Variants in AP4S1 observed in about 807,000 individuals in gnomAD.
AP4S1 encodes adaptor related protein complex 4 subunit sigma 1.
AP4S1 carries 23 observed loss-of-function variants against 19.8 expected under a neutral mutation model. The ratio of observed to expected loss-of-function variants is 1.16; its 90% CI spans 0.84 to 1.65. The LOEUF (loss-of-function observed/expected upper bound fraction) is 1.65, where lower values mean the gene tolerates loss of function less well. Among genes scored for constraint, AP4S1 ranks in the 40% most tolerant of loss-of-function variants. The probability of loss-of-function intolerance (pLI) is 0.00; values close to 1 mark genes in which losing one functional copy is unlikely to be tolerated. For synonymous variants in AP4S1, 46 were observed against 54.1 expected (o/e 0.85, Z 0.66); for missense variants, 166 against 172.8 (o/e 0.96, Z 0.22).
At chr14:31,038,646 T>A (rs1408428023) in intron 1 of AP4S1, among the ~76,000 whole-genome samples, 1 of 152,140 alleles carries the variant, frequency 6.6e-6, no homozygotes, top group Non-Finnish European at 1.5e-5. Flanking sequence ...TAAATGAAAC[T>A]GGGTCTTCCT....
At chr14:31,089,568 A>G (rs767906806) in intron 5 of AP4S1, among the ~76,000 whole-genome samples, 27 of 152,348 alleles carry the variant, frequency 1.8e-4, no homozygotes, top group Admixed American at 2.6e-4. Context: ...GATTGCCACT[A>G]TGGTGTTAAA....
chr14:31,041,339 G>C (rs544164505), intron 1 of AP4S1, among the ~76,000 whole-genome samples: 78 of 152,028 alleles, frequency 5.1e-4, no homozygotes, highest in Non-Finnish European at 6.2e-4. Context: ...TAGTAGTGAG[G>C]GGGTTTCACC....
chr14:31,053,061 C>A (rs1885895684), intron 1 of AP4S1, among the ~76,000 whole-genome samples: 1 of 151,230 alleles, frequency 6.6e-6, no homozygotes, highest in Non-Finnish European at 1.5e-5. Flanking sequence ...ATGCCTTAGC[C>A]TCCCAAGTAG....
chr14:31,053,589 CTTTTTTTTTTTT>C (rs758966011), intron 1 of AP4S1, among the ~76,000 whole-genome samples: 3 of 71,176 alleles, frequency 4.2e-5, no homozygotes, highest in African/African-American at 1.1e-4. Context: ...TGACTTTTTT[CTTTTTTTTTTTT>C]TTTTTTTTTT....
intron 1 of AP4S1, among the ~76,000 whole-genome samples, chr14:31,034,468 T>TG (rs1322249345): frequency 1.3e-5 from 2 of 151,834 alleles, no homozygotes; most frequent in South Asian, 4.1e-4. Context: ...AGACTTTTTT[T>TG]GGGGGGGAAA....
chr14:31,038,929 C>G (rs1339392667), intron 1 of AP4S1, among the ~76,000 whole-genome samples: 2 of 151,314 alleles, frequency 1.3e-5, no homozygotes, highest in Non-Finnish European at 2.9e-5. Context: ...AAGTCTTTCA[C>G]GACCACCATC....
chr14:31,026,131 G>A (rs1452994149), intron 1 of AP4S1: 3 of 1,498,416 alleles, frequency 2.0e-6, no homozygotes, highest in Non-Finnish European at 2.7e-6. Flanking sequence ...TGCTGCTGCC[G>A]GGGAGGGGCC....
chr14:31,026,191 G>A, intron 1 of AP4S1: 3 of 1,430,018 alleles, frequency 2.1e-6, no homozygotes, highest in Non-Finnish European at 2.7e-6. Context: ...TCCATTGTGT[G>A]TGGGGCCCCG....
intron 5 of AP4S1, chr14:31,085,045 C>G (rs2139116961): frequency 1.4e-6 from 2 of 1,453,824 alleles, no homozygotes; most frequent in Middle Eastern, 2.5e-4. Context: ...TTTATTTGGG[C>G]TAGACTGGAA....
intron 5 of AP4S1, chr14:31,083,678 A>G (rs80218333): frequency 2.6e-6 from 1 of 390,534 alleles, no homozygotes; most frequent in African/African-American, 2.1e-5. Flanking sequence ...CTAATTTTTT[A>G]AATTTATTTT....
chr14:31,080,631 C>G (rs768444730), intron 5 of AP4S1, 47 bp downstream of exon 5: 7 of 1,613,196 alleles, frequency 4.3e-6, no homozygotes, highest in Non-Finnish European at 4.2e-6. Flanking sequence ...CAAATGCACT[C>G]TGGTCCTTAT....
At chr14:31,085,133 G>A in intron 5 of AP4S1, 1 of 1,280,002 alleles carries the variant, frequency 7.8e-7, no homozygotes, top group Non-Finnish European at 9.9e-7. Flanking sequence ...TTCTATGTCT[G>A]CTTCGCCAGC....
At chr14:31,047,691 A>G (rs1351178522) in intron 1 of AP4S1, among the ~76,000 whole-genome samples, 1 of 151,644 alleles carries the variant, frequency 6.6e-6, no homozygotes. Flanking sequence ...CACCGTGCCC[A>G]GCCTTTGAGA....
At chr14:31,073,315 C>G (rs576185637) in intron 4 of AP4S1, 7 of 229,158 alleles carry the variant, frequency 3.1e-5, no homozygotes, top group Non-Finnish European at 4.4e-5. Context: ...ACGGTGAAAC[C>G]CCGTCTCTAC....
rs565766270 is a variant in AP4S1 at position 31,089,350 on chromosome 14, G to A, written c.307-3557G>A. The stretch of plus-strand genomic sequence containing the variant: ...AAATTAAAGTATGAATAATGAGAAA[G>A]CAAGTTTTCCCACCCTACATATTTT... On this transcript the variant is annotated intron_variant, in intron 5 of 5. Coordinates refer to ENST00000542754, the MANE Select transcript of AP4S1 (RefSeq NM_001128126.3). Among the ~76,000 whole-genome samples the A allele has an allele frequency of 3.3e-5, 5 of 152,162 alleles. No individual in the cohort carries two copies. The East Asian group carries it at 5.8e-4, about 18-fold the overall frequency.
intron 4 of AP4S1, among the ~76,000 whole-genome samples, chr14:31,074,385 G>A (rs542983299): frequency 6.7e-6 from 1 of 149,984 alleles, no homozygotes; most frequent in African/African-American, 2.4e-5. Context: ...GGGCGCGGTG[G>A]CTGACGCCTG....
In AP4S1 at chr14:31,072,988, T is replaced by C; in HGVS notation, c.294+15T>C. The stretch of plus-strand genomic sequence containing the variant: ...TCAGCCGAGTGGTAAGTCTAATGGC[T>C]AAAAAATGGTTTACTTCCTCAACCC... On this transcript the variant is annotated intron_variant, in intron 4 of 5. Transcript: ENST00000542754. The C allele has an allele frequency of 6.2e-7, 1 of 1,609,220 alleles. No individual in the cohort carries two copies. The highest frequency in any genetic ancestry group is 8.5e-7 in the Non-Finnish European group (1 of 1,175,588).
chr14:31,060,323 T>G (rs1886368296), intron 1 of AP4S1, among the ~76,000 whole-genome samples: 1 of 152,118 alleles, frequency 6.6e-6, no homozygotes, highest in Non-Finnish European at 1.5e-5. Context: ...TATGCACGGA[T>G]TTGGTTATAC....
chr14:31,039,280 G>A (rs1818186000), intron 1 of AP4S1, among the ~76,000 whole-genome samples: 3 of 151,886 alleles, frequency 2.0e-5, no homozygotes, highest in Admixed American at 2.0e-4. Context: ...CCACCTCCCA[G>A]GTTCATGCAA....
Sources: allele counts gnomAD v4.1 joint callset (sites outside exome capture counted in the v4.1 genomes callset), GRCh38; gene constraint gnomAD v4.1.1; transcripts MANE v1.5; gene names NCBI Gene and HGNC (gene_info 2026-07-23, HGNC 2026-07-21).